TTL: variants seen among roughly 807,000 people sequenced by gnomAD.
The protein encoded by TTL is tubulin--tyrosine ligase.
Under a neutral mutation model 41.1 loss-of-function variants are expected in TTL, and 10 were observed. The ratio of observed to expected loss-of-function variants is 0.24; its 90% CI spans 0.15 to 0.41. The LOEUF is 0.41. Ranked by LOEUF, TTL falls within the 10% of genes least tolerant of loss-of-function variation. TTL has a pLI of 1.00. For missense variants in TTL, 367 were observed against 460.4 expected (o/e 0.80, Z 1.86); for synonymous variants, 175 against 175.5 (o/e 1.00, Z 0.02).
In TTL at chr2:112,482,214, C is replaced by T; in HGVS notation, c.-131C>T. The T allele has an allele frequency of 3.4e-6, 2 of 586,564 alleles. No individual in the cohort carries two copies. Among genetic ancestry groups the T allele is most frequent in the Non-Finnish European group, 4.3e-6 (2 of 468,998 alleles). The allele number at this position is 586,564 out of a possible 1,614,324, so 36.3% of individuals were successfully genotyped here. A position where few individuals can be genotyped will look rare whatever the true frequency, so the allele number is the denominator to read the frequency against. ...CGCGGCGCCGCCGGCACCCGAGAGG[C>T]GCGGTAGCCGGCGCGGGCGGCGGGG... is the stretch of plus-strand genomic sequence containing the variant. On this transcript the variant is annotated 5_prime_UTR_variant, in exon 1 of 7. Coordinates refer to ENST00000233336, the MANE Select transcript of TTL (RefSeq NM_153712.5). The surrounding 1 kb of genome is among the most constrained non-coding windows in gnomAD (Gnocchi z 5.3).
chr2:112,489,078 C>T (rs187411349), intron 2 of TTL, among the ~76,000 whole-genome samples: 177 of 152,012 alleles, frequency 1.2e-3, no homozygotes, highest in Non-Finnish European at 2.2e-3. Context: ...CAGAGTGAGA[C>T]GCCGTCTCAA....
At chr2:112,528,531 T>A (rs1682419472) in intron 6 of TTL, 150 bp from the exon 7 acceptor site, 2 of 629,364 alleles carry the variant, frequency 3.2e-6, no homozygotes, top group South Asian at 4.0e-5. Context: ...GCCCAGGAAT[T>A]TGAGGCTGCA....
At chr2:112,528,521 G>GCCCAGGAAT (rs768363386) in intron 6 of TTL, among the ~76,000 whole-genome samples, 160 bp from the exon 7 acceptor site, 4 of 152,140 alleles carry the variant, frequency 2.6e-5, no homozygotes, top group African/African-American at 4.8e-5. Flanking sequence ...GATCCCTTGA[G>GCCCAGGAAT]CCCAGGAATT....
At position 112,528,789 on chromosome 2, in the gene TTL, G is replaced by A. The variant is rs772589518; in HGVS notation, c.1128G>A (p.Lys376=). ...AGACCCAGCCAGCTGCCTTCATCAAGCTGTGACAGAGGGCACTCCCTGCTG... is the reference window on the plus strand; with the variant it reads ...AGACCCAGCCAGCTGCCTTCATCAAACTGTGACAGAGGGCACTCCCTGCTG... The part of the protein sequence containing the change: ...QPQTQPAAFI[K]L The change falls in exon 7 of 7, where the codon AAG becomes AAA. Residue 376 remains lysine (K), a synonymous_variant. Transcript: ENST00000233336. 5.0e-6 allele frequency: 8 copies of A among 1,613,854 alleles called. No homozygotes were observed. The highest frequency in any genetic ancestry group is 6.8e-6 in the Non-Finnish European group (8 of 1,179,830).
chr2:112,482,521 C>T lies in TTL; in HGVS notation c.157+20C>T. On this transcript the variant is annotated intron_variant, in intron 1 of 6. Transcript: ENST00000233336. This position sits in a 1 kb window ranked among gnomAD's most constrained non-coding sequence, Gnocchi z 5.3. ...GACTGGGTGAGCCCCTCCCCGATTCCCGTCTGCCCTCCTCGGAGCGGCCCT... is the reference window on the plus strand; with the variant it reads ...GACTGGGTGAGCCCCTCCCCGATTCTCGTCTGCCCTCCTCGGAGCGGCCCT... The T allele has an allele frequency of 6.3e-7, 1 of 1,581,566 alleles. No individual in the cohort carries two copies. Among genetic ancestry groups the T allele is most frequent in the South Asian group, 1.1e-5 (1 of 88,122 alleles).
intron 5 of TTL, among the ~76,000 whole-genome samples, chr2:112,516,979 G>A (rs1482098845): frequency 6.6e-6 from 1 of 152,022 alleles, no homozygotes; most frequent in African/African-American, 2.4e-5. Context: ...ATTGTTCATT[G>A]CTGTTCAGAG....
chr2:112,503,348 T>C lies in TTL; in HGVS notation c.875+167T>C, dbSNP rs569475377. On this transcript the variant is annotated intron_variant, in intron 5 of 6. Coordinates refer to ENST00000233336, the MANE Select transcript of TTL (RefSeq NM_153712.5). ...TGTCTGCAGGTTCTGTAATGATGTC[T>C]CCTCTTTCGTTTCTGATAATGGTTA... Among the ~76,000 whole-genome samples the C allele has an allele frequency of 2.0e-5, 3 of 150,600 alleles. No homozygotes were observed. The South Asian group carries it at 6.2e-4, about 31-fold the overall frequency.
chr2:112,502,837 A>T, intron 4 of TTL, 75 bp from the exon 5 acceptor site: 1 of 1,491,184 alleles, frequency 6.7e-7, no homozygotes, highest in Non-Finnish European at 9.0e-7. Context: ...AGAAGTCAAG[A>T]TGTGGGGATT....
At chr2:112,511,355 C>G (rs78689371) in intron 5 of TTL, among the ~76,000 whole-genome samples, 1 of 151,426 alleles carries the variant, frequency 6.6e-6, no homozygotes, top group Non-Finnish European at 1.5e-5. Flanking sequence ...GCCAAAAGGC[C>G]GAGAAGCGAT....
rs62158580 is a variant in TTL, at chr2:112,539,230, T to C, written c.*10435T>C. On this transcript the variant is annotated 3_prime_UTR_variant, in exon 7 of 7. Transcript: ENST00000233336. ...CCTATTGGATACTGTGCTCGCTACC[T>C]GGGTGACAGGTTCAACCATACCCCA... The C allele has an allele frequency of 2.0e-5, 3 of 151,884 alleles. No individual in the cohort carries two copies. The highest frequency in any genetic ancestry group is 7.3e-5 in the African/African-American group (3 of 41,372). The allele number at this position is 151,884 out of a possible 1,614,324, so 9.4% of individuals were successfully genotyped here.
Position 112,538,004 on chromosome 2 carries a change from A to G in TTL, c.*9209A>G, listed in dbSNP as rs953015497. ...GTCTCAGTAAATTTAAAAGAATTGA[A>G]ATTATACTACATATGTTCTCTGACC... On this transcript the variant is annotated 3_prime_UTR_variant, in exon 7 of 7. Transcript: ENST00000233336. 5.9e-5 allele frequency: 9 copies of G among 152,378 alleles called. No individual in the cohort carries two copies. The highest frequency in any genetic ancestry group is 1.3e-4 in the Admixed American group (2 of 15,308). The allele number at this position is 152,378 out of a possible 1,614,324, so 9.4% of individuals were successfully genotyped here.
intron 4 of TTL, 150 bp downstream of exon 4, chr2:112,501,491 T>C (rs1681696428): frequency 1.7e-6 from 1 of 572,760 alleles, no homozygotes; most frequent in Admixed American, 3.9e-5. Context: ...GAACTTACCT[T>C]CTGTACCTAA....
chr2:112,524,684 G>T (rs1682327859), intron 6 of TTL, among the ~76,000 whole-genome samples: 1 of 152,150 alleles, frequency 6.6e-6, no homozygotes, highest in Non-Finnish European at 1.5e-5. Context: ...TGTAGATTCT[G>T]GATATCAGCC....
At position 112,500,184 on chromosome 2, in the gene TTL, G is replaced by A. The variant is rs185129192; in HGVS notation, c.470-1022G>A. Among the ~76,000 whole-genome samples the A allele has an allele frequency of 1.8e-3, 273 of 152,074 alleles. 5 individuals carry two copies. Among genetic ancestry groups the A allele is most frequent in the Admixed American group, 0.018 (270 of 15,272 alleles). On this transcript the variant is annotated intron_variant, in intron 3 of 6. Coordinates refer to ENST00000233336, the MANE Select transcript of TTL (RefSeq NM_153712.5). ...ATCCATAGATACAGAAAGTAGATTA[G>A]TGGTTGTCAGAAGCTGGGGTGAGGA...
At chr2:112,494,121 A>T in intron 2 of TTL, 22 bp from the exon 3 acceptor site, 1 of 1,602,090 alleles carries the variant, frequency 6.2e-7, no homozygotes, top group Non-Finnish European at 8.5e-7. Context: ...AGGGAGGCTG[A>T]TCCTCTTCTG....
At chr2:112,499,880 G>A (rs2458986) in intron 3 of TTL, among the ~76,000 whole-genome samples, 4 of 152,306 alleles carry the variant, frequency 2.6e-5, no homozygotes, top group Middle Eastern at 3.4e-3. Flanking sequence ...ACCTGCATAC[G>A]TAGTATTCCT....
rs1412377657 is a variant in TTL, at chr2:112,509,963, A to G, written c.875+6782A>G. ...TATATTTTCCCTCTATTTTGCTTGG[A>G]CAGATTGACTAAACATTTATCAATT... is the stretch of plus-strand genomic sequence containing the variant. On this transcript the variant is annotated intron_variant, in intron 5 of 6. Coordinates refer to ENST00000233336, the MANE Select transcript of TTL (RefSeq NM_153712.5). Among the ~76,000 whole-genome samples the G allele has an allele frequency of 4.6e-5, 7 of 152,158 alleles. No homozygotes were observed. In the East Asian group the frequency reaches 1.4e-3, roughly 30 times the overall value.
At chr2:112,523,469 C>CCTGTCACTGGGGAGTCTTCCT (rs879275762) in intron 6 of TTL, among the ~76,000 whole-genome samples, 1 of 151,910 alleles carries the variant, frequency 6.6e-6, no homozygotes, top group Admixed American at 6.6e-5. Context: ...AAAGTCTTCC[C>CCTGTCACTGGGGAGTCTTCCT]CTGTCACTGG....
In TTL at chr2:112,529,569, T is replaced by G. The variant is rs1222469201; in HGVS notation, c.*774T>G. The G allele has an allele frequency of 4.4e-6, 1 of 229,062 alleles. No individual in the cohort carries two copies. Among genetic ancestry groups the G allele is most frequent in the Non-Finnish European group, 8.7e-6 (1 of 115,396 alleles). The allele number at this position is 229,062 out of a possible 1,614,324, so 14.2% of individuals were successfully genotyped here. A position where few individuals can be genotyped will look rare whatever the true frequency, so the allele number is the denominator to read the frequency against. On this transcript the variant is annotated 3_prime_UTR_variant, in exon 7 of 7. Transcript: ENST00000233336. ...TATGATGATTCAATTTTCTCAATTT[T>G]CTTTGCTTTAACCAAAATTCTAAAT...
Sources: allele counts gnomAD v4.1 joint callset (sites outside exome capture counted in the v4.1 genomes callset), GRCh38; gene constraint gnomAD v4.1.1; non-coding constraint Gnocchi (gnomAD v3.1); transcripts MANE v1.5; gene names NCBI Gene and HGNC (gene_info 2026-07-23, HGNC 2026-07-21).